Variants in ANKRD30A observed in about 807,000 individuals in gnomAD.
ANKRD30A encodes ankyrin repeat domain-containing protein 30A.
A neutral mutation model predicts 166.3 loss-of-function variants in ANKRD30A; 170 were observed. The ratio of observed to expected loss-of-function variants is 1.02; its 90% confidence interval spans 0.90 to 1.16. The LOEUF (loss-of-function observed/expected upper bound fraction) is 1.16. Among genes scored for constraint, ANKRD30A ranks in the 50% most tolerant of loss-of-function variants. ANKRD30A has a pLI of 0.00. For missense variants in ANKRD30A, 1,630 were observed against 1,518.0 expected, an observed-to-expected ratio of 1.07 and a Z score of -1.23; for synonymous variants, 564 against 508.9, an observed-to-expected ratio of 1.11 and a Z score of -1.46.
At chr10:37,193,395 A>C in intron 27 of ANKRD30A, 137 bp downstream of exon 27, 1 of 1,239,020 alleles carries the variant, frequency 8.1e-7, no homozygotes, top group African/African-American at 1.5e-5. Context: ...TGCCAATGTG[A>C]GTATTTCTGT....
intron 24 of ANKRD30A, among the ~76,000 whole-genome samples, chr10:37,183,498 T>C (rs1840175729): frequency 6.8e-6 from 1 of 146,906 alleles, no homozygotes; most frequent in African/African-American, 2.5e-5. Flanking sequence ...GTCTTTTCTC[T>C]CTTTTTCTTT....
intron 6 of ANKRD30A, 126 bp from the exon 7 acceptor site, chr10:37,141,592 A>AAG (rs1491296257): frequency 3.8e-6 from 5 of 1,303,408 alleles, no homozygotes; most frequent in Non-Finnish European, 5.1e-6. Context: ...AAAAAAAAAA[A>AAG]AGAGAAAAGA....
At chr10:37,143,868 A>G (rs1837327457) in intron 7 of ANKRD30A, among the ~76,000 whole-genome samples, 2 of 152,064 alleles carry the variant, frequency 1.3e-5, no homozygotes, top group Admixed American at 6.6e-5. Context: ...GGGTAATTAC[A>G]TAAAAAGATT....
At chr10:37,226,228 G>T (rs1056057868) in intron 34 of ANKRD30A, among the ~76,000 whole-genome samples, 2 of 150,272 alleles carry the variant, frequency 1.3e-5, no homozygotes, top group African/African-American at 4.9e-5. Context: ...TTTACATTAG[G>T]TATATCTCCT....
intron 34 of ANKRD30A, among the ~76,000 whole-genome samples, chr10:37,229,172 G>A (rs1418763320): frequency 1.3e-5 from 2 of 151,942 alleles, no homozygotes; most frequent in Non-Finnish European, 2.9e-5. Flanking sequence ...ATGGAATATG[G>A]TAAGAGGTAT....
At chr10:37,190,679 C>T (rs988246618) in intron 25 of ANKRD30A, among the ~76,000 whole-genome samples, 4 of 151,622 alleles carry the variant, frequency 2.6e-5, no homozygotes, top group East Asian at 1.9e-4. Flanking sequence ...GAGCTCACTT[C>T]GGAAGCATTT....
chr10:37,235,830 C>T (rs889664267), downstream of ANKRD30A, among the ~76,000 whole-genome samples: 8 of 141,282 alleles, frequency 5.7e-5, no homozygotes, highest in South Asian at 2.2e-4. Flanking sequence ...AGTGCAGTGG[C>T]GCAATCTCGG....
chr10:37,226,913 A>G (rs1267754493), intron 34 of ANKRD30A, among the ~76,000 whole-genome samples: 2 of 151,882 alleles, frequency 1.3e-5, no homozygotes, highest in African/African-American at 2.4e-5. Context: ...AATGACTGAT[A>G]ATTTTAAGGA....
chr10:37,193,020 T>G (rs1473427543), intron 25 of ANKRD30A, 44 bp from the exon 26 acceptor site: 1 of 1,599,000 alleles, frequency 6.3e-7, no homozygotes. Context: ...GTAGGCTTTG[T>G]CAAGCTTGCA....
chr10:37,190,848 A>G (rs1840502244), intron 25 of ANKRD30A, among the ~76,000 whole-genome samples: 1 of 151,800 alleles, frequency 6.6e-6, no homozygotes, highest in Admixed American at 6.6e-5. Context: ...GTATGTATGT[A>G]TGTATGTTTT....
At chr10:37,258,346 A>T in the ANKRD30A span, among the ~76,000 whole-genome samples, 5 of 152,304 alleles carry the variant, frequency 3.3e-5, no homozygotes, top group Non-Finnish European at 7.3e-5. Flanking sequence ...AAAGTTCTGA[A>T]GAAGAACAGA....
intron 29 of ANKRD30A, among the ~76,000 whole-genome samples, chr10:37,198,869 A>G (rs1841382534): frequency 6.6e-6 from 1 of 152,070 alleles, no homozygotes; most frequent in African/African-American, 2.4e-5. Context: ...TGATTCAAAT[A>G]GTTGTAATTT....
chr10:37,252,815 G>C, the ANKRD30A span, among the ~76,000 whole-genome samples: 1 of 151,924 alleles, frequency 6.6e-6, no homozygotes, highest in Admixed American at 6.6e-5. Context: ...TATATGTAAG[G>C]TGCTTAAAAC....
At chr10:37,145,785 C>T (rs1837461756) in intron 8 of ANKRD30A, among the ~76,000 whole-genome samples, 1 of 143,262 alleles carries the variant, frequency 7.0e-6, no homozygotes, top group Non-Finnish European at 1.5e-5. Flanking sequence ...TTTTGTACAA[C>T]TTGAAACATA....
At chr10:37,150,393 T>C (rs1047675947) in intron 11 of ANKRD30A, among the ~76,000 whole-genome samples, 1 of 151,994 alleles carries the variant, frequency 6.6e-6, no homozygotes, top group African/African-American at 2.4e-5. Context: ...CTTGTAAAGA[T>C]GAGGAAAGTA....
chr10:37,126,562 T>G (rs1836028493), intron 1 of ANKRD30A, among the ~76,000 whole-genome samples: 1 of 152,200 alleles, frequency 6.6e-6, no homozygotes, highest in Admixed American at 6.5e-5. Flanking sequence ...TTTATGTTCT[T>G]GAATTTAAGA....
At chr10:37,202,330 A>C (rs1032581944) in intron 31 of ANKRD30A, among the ~76,000 whole-genome samples, 1 of 152,134 alleles carries the variant, frequency 6.6e-6, no homozygotes, top group African/African-American at 2.4e-5. Flanking sequence ...AGGATTAAGA[A>C]CCTCACTCAA....
At position 37,136,598 on chromosome 10, in the gene ANKRD30A, TA is replaced by T; in HGVS notation, c.756-8del. On this transcript the variant is annotated splice_region_variant and splice_polypyrimidine_tract_variant and intron_variant, in intron 5 of 35. Transcript: ENST00000361713. ...ATGGTAATTTTATTTATCACATTTTTATACATAGCATTCATGAACAAATTAT... is the reference window on the plus strand; with the variant it reads ...ATGGTAATTTTATTTATCACATTTTTTACATAGCATTCATGAACAAATTAT... The T allele has an allele frequency of 8.0e-7, 1 of 1,242,384 alleles. No individual in the cohort carries two copies. Among genetic ancestry groups the T allele is most frequent in the East Asian group, 2.6e-5 (1 of 39,168 alleles). The allele number at this position is 1,242,384 out of a possible 1,614,324, so 77.0% of individuals were successfully genotyped here.
chr10:37,240,232 A>C, the ANKRD30A span, among the ~76,000 whole-genome samples: 1 of 152,098 alleles, frequency 6.6e-6, no homozygotes, highest in African/African-American at 2.4e-5. Context: ...GAAAAGTCTC[A>C]AGTAGTCGGC....
Sources: gnomAD v4.1 joint callset for allele counts (sites outside exome capture counted in the v4.1 genomes callset) on GRCh38, gnomAD v4.1.1 for gene constraint, MANE v1.5 for transcripts, NCBI Gene and HGNC (gene_info 2026-07-23, HGNC 2026-07-21) for gene names.